Variants in ADCY1 observed in about 807,000 individuals in gnomAD.
The protein encoded by ADCY1 is adenylate cyclase 1.
Under a neutral mutation model 105.4 loss-of-function variants are expected in ADCY1, and 28 were observed. The observed-to-expected ratio is 0.27, with a 90% CI of 0.20 to 0.36. The LOEUF (loss-of-function observed/expected upper bound fraction) is 0.36, where lower values mean the gene tolerates loss of function less well. Ranked by LOEUF, ADCY1 falls within the 10% of genes least tolerant of loss-of-function variation. The pLI, the probability that ADCY1 is intolerant of heterozygous loss-of-function variation, is 1.00. For missense variants in ADCY1, 977 were observed against 1,434.2 expected (o/e 0.68, Z 5.15); for synonymous variants, 655 against 623.8 (o/e 1.05, Z -0.75).
At chr7:45,671,060 G>A (rs772531583) in intron 8 of ADCY1, among the ~76,000 whole-genome samples, 4 of 152,232 alleles carry the variant, frequency 2.6e-5, no homozygotes, top group Non-Finnish European at 4.4e-5. Flanking sequence ...GCTGCTGGGC[G>A]CAGCAGAGAT....
intron 14 of ADCY1, among the ~76,000 whole-genome samples, chr7:45,690,717 A>G (rs1157539281): frequency 1.3e-5 from 2 of 152,324 alleles, no homozygotes; most frequent in East Asian, 3.9e-4. Context: ...CAGTTTGCTA[A>G]AGCCACACCA....
At chr7:45,653,041 G>A (rs1204223669) in intron 5 of ADCY1, among the ~76,000 whole-genome samples, 2 of 152,210 alleles carry the variant, frequency 1.3e-5, no homozygotes, top group East Asian at 1.9e-4. Context: ...GGAAATGCCC[G>A]TTAATTTTTA....
In ADCY1 at chr7:45,721,440, CCTT is replaced by C. The variant is rs1315187994; in HGVS notation, c.*7446_*7448del. ...GTCTAATTTCAAATATACAGAATCT[CCTT>C]AAGAGCTGTTGCCTTATTTTTTTGT... On this transcript the variant is annotated 3_prime_UTR_variant, in exon 20 of 20. Coordinates refer to ENST00000297323, the MANE Select transcript of ADCY1 (RefSeq NM_021116.4). The C allele has an allele frequency of 1.7e-4, 63 of 381,418 alleles. No individual in the cohort carries two copies. The highest frequency in any genetic ancestry group is 6.6e-4 in the Middle Eastern group (1 of 1,510). The allele number at this position is 381,418 out of a possible 1,614,324, so 23.6% of individuals were successfully genotyped here. A position where few individuals can be genotyped will look rare whatever the true frequency, so the allele number is the denominator to read the frequency against.
intron 3 of ADCY1, among the ~76,000 whole-genome samples, chr7:45,612,136 T>TAA (rs1793610005): frequency 2.0e-5 from 3 of 152,202 alleles, no homozygotes; most frequent in African/African-American, 7.2e-5. Context: ...GGACCAGTGT[T>TAA]GTCCTCCTTC....
chr7:45,668,107 G>C lies in ADCY1; in HGVS notation c.1605+5893G>C, dbSNP rs534090907. On this transcript the variant is annotated intron_variant, in intron 8 of 19. Transcript: ENST00000297323. ...AATTTGACTTCCTCTTTGCCTAATTGAATACCCTTTATTTCCTTCTCCTGC... is the reference window on the plus strand; with the variant it reads ...AATTTGACTTCCTCTTTGCCTAATTCAATACCCTTTATTTCCTTCTCCTGC... Among the ~76,000 whole-genome samples, 3 of 152,274 alleles carry C rather than the reference G, an allele frequency of 2.0e-5. No homozygotes were observed. The East Asian group carries it at 5.8e-4, about 29-fold the overall frequency.
chr7:45,645,240 C>A (rs1794627701), intron 4 of ADCY1, among the ~76,000 whole-genome samples: 1 of 152,118 alleles, frequency 6.6e-6, no homozygotes, highest in South Asian at 2.1e-4. Flanking sequence ...CTCGCCCACA[C>A]CATGCAGTGA....
chr7:45,654,523 C>T (rs940047191), intron 5 of ADCY1, among the ~76,000 whole-genome samples: 3 of 152,170 alleles, frequency 2.0e-5, no homozygotes, highest in South Asian at 2.1e-4. Flanking sequence ...GGAGGTCGTG[C>T]GAGAAGGGAT....
chr7:45,677,031 A>G (rs566124243), intron 8 of ADCY1, among the ~76,000 whole-genome samples: 2 of 152,068 alleles, frequency 1.3e-5, no homozygotes, highest in East Asian at 1.9e-4. Context: ...GTCTGGGATA[A>G]ATAAGGCAGA....
chr7:45,651,660 T>C (rs997907567), intron 5 of ADCY1, among the ~76,000 whole-genome samples: 2 of 152,196 alleles, frequency 1.3e-5, no homozygotes, highest in Non-Finnish European at 1.5e-5. Context: ...TTTTTTCCTG[T>C]CTTGAGTCTG....
At chr7:45,635,268 C>CTT (rs1162733269) in intron 4 of ADCY1, among the ~76,000 whole-genome samples, 3 of 151,124 alleles carry the variant, frequency 2.0e-5, no homozygotes, top group African/African-American at 7.3e-5. Flanking sequence ...TTTGTCTTCT[C>CTT]TTTGATCATT....
At chr7:45,654,874 G>A (rs1584306880) in intron 5 of ADCY1, among the ~76,000 whole-genome samples, 1 of 152,150 alleles carries the variant, frequency 6.6e-6, no homozygotes, top group Non-Finnish European at 1.5e-5. Context: ...TGAGTCCTAG[G>A]TAGGGAAGGG....
chr7:45,593,069 T>G (rs1792971467), intron 2 of ADCY1, among the ~76,000 whole-genome samples, 161 bp downstream of exon 2: 1 of 152,134 alleles, frequency 6.6e-6, no homozygotes, highest in Admixed American at 6.5e-5. Context: ...GCCCTGAGGT[T>G]TTATAGTTAG....
At chr7:45,711,418 T>G (rs1270215762) in intron 19 of ADCY1, among the ~76,000 whole-genome samples, 3 of 152,056 alleles carry the variant, frequency 2.0e-5, no homozygotes, top group Non-Finnish European at 2.9e-5. Context: ...CCTCTCCTGC[T>G]CAAAACATAG....
chr7:45,655,689 G>C (rs903284915), intron 5 of ADCY1, among the ~76,000 whole-genome samples: 3 of 152,078 alleles, frequency 2.0e-5, no homozygotes, highest in Non-Finnish European at 4.4e-5. Flanking sequence ...TGGTGGCGTG[G>C]ATTTGGTTGG....
chr7:45,686,665 G>A lies in ADCY1; in HGVS notation c.2446G>A (p.Ala816Thr). The A allele has an allele frequency of 6.2e-7, 1 of 1,608,560 alleles. No individual in the cohort carries two copies. The highest frequency in any genetic ancestry group is 8.5e-7 in the Non-Finnish European group (1 of 1,176,242). The change falls in exon 14 of 20, where the codon GCC (alanine) becomes ACC (threonine). Residue 816 changes from alanine to threonine, a missense_variant. This residue lies in a region of ADCY1 where 152 missense variants were observed against 293.7 expected (regional missense o/e 0.52). Coordinates refer to ENST00000297323, the MANE Select transcript of ADCY1 (RefSeq NM_021116.4). The surrounding 1 kb of genome is among the most constrained non-coding windows in gnomAD (Gnocchi z 4.3). Reference protein sequence around the residue: ...DIRLRLDYLWAAQAEEEREDM... With the variant: ...DIRLRLDYLWTAQAEEEREDM... ...CAGGCTGAGGCTGGACTACCTCTGG[G>A]CCGCACAGGCAAGACGAGCCCTTTC...
intron 8 of ADCY1, among the ~76,000 whole-genome samples, chr7:45,669,583 G>C: frequency 6.6e-6 from 1 of 152,298 alleles, no homozygotes; most frequent in South Asian, 2.1e-4. Flanking sequence ...GTGTGGTGTG[G>C]TGCTGAGAAG....
chr7:45,679,946 T>C (rs1346445486), intron 11 of ADCY1, among the ~76,000 whole-genome samples, 153 bp downstream of exon 11: 1 of 151,468 alleles, frequency 6.6e-6, no homozygotes. Context: ...GTGGGTGGCC[T>C]GTGTCCTGTA....
At chr7:45,589,349 C>G (rs1299404627) in intron 1 of ADCY1, among the ~76,000 whole-genome samples, 1 of 152,148 alleles carries the variant, frequency 6.6e-6, no homozygotes, top group Non-Finnish European at 1.5e-5. Context: ...GGTTGGGTCT[C>G]CTGCTCCAGG....
intron 1 of ADCY1, among the ~76,000 whole-genome samples, chr7:45,584,431 C>G (rs1432687131): frequency 2.0e-5 from 3 of 152,164 alleles, no homozygotes; most frequent in South Asian, 2.1e-4. Flanking sequence ...ATGTCAGGCA[C>G]CCACTGTGGA....
Sources: gnomAD v4.1 joint callset for allele counts (sites outside exome capture counted in the v4.1 genomes callset) on GRCh38, gnomAD v4.1.1 for gene constraint, gnomAD v4.1.1 regional missense constraint, Gnocchi (gnomAD v3.1) non-coding constraint, MANE v1.5 for transcripts, NCBI Gene and HGNC (gene_info 2026-07-23, HGNC 2026-07-21) for gene names.